Variants in TAF1B observed in about 807,000 individuals in gnomAD.
TAF1B encodes TATA-box binding protein associated factor, RNA polymerase I subunit B.
Under a neutral mutation model 83.9 loss-of-function variants are expected in TAF1B, and 61 were observed. That is an observed-to-expected ratio of 0.73 (90% confidence interval 0.59 to 0.90). The LOEUF (loss-of-function observed/expected upper bound fraction) is 0.90, where lower values mean the gene tolerates loss of function less well. Ranked by LOEUF, TAF1B falls within the 40% of genes least tolerant of loss-of-function variation. The pLI is 0.00. For synonymous variants in TAF1B, 221 were observed against 224.6 expected (o/e 0.98, Z 0.14); for missense variants, 625 against 677.0 (o/e 0.92, Z 0.85).
chr2:9,875,873 G>C lies in TAF1B; in HGVS notation c.562G>C (p.Val188Leu). 6.3e-7 allele frequency: 1 copy of C among 1,588,596 alleles called. No homozygotes were observed. Among genetic ancestry groups the C allele is most frequent in the Non-Finnish European group, 8.6e-7 (1 of 1,161,084 alleles). The stretch of plus-strand genomic sequence containing the variant: ...TCCATTTATCTCCTAAGAAACGTCT[G>C]TCTGCTCTGGATCTCTGGATGGAGT... ...VSKASQSETSVCSGSLDGVEY... is the reference protein window; with the variant it reads ...VSKASQSETSLCSGSLDGVEY... Residue 188 changes from valine to leucine, a missense_variant, in exon 7 of 15, where the codon GTC becomes CTC. By Grantham distance (32) the Val-to-Leu change is conservative. Coordinates refer to ENST00000263663, the MANE Select transcript of TAF1B (RefSeq NM_005680.3).
intron 5 of TAF1B, among the ~76,000 whole-genome samples, chr2:9,863,347 A>AGGT (rs1203657265): frequency 6.6e-6 from 1 of 152,246 alleles, no homozygotes; most frequent in African/African-American, 2.4e-5. Context: ...AAAGAGACAA[A>AGGT]GGTGGCCATT....
At chr2:9,933,022 A>G (rs1666264873) in intron 14 of TAF1B, among the ~76,000 whole-genome samples, 1 of 152,152 alleles carries the variant, frequency 6.6e-6, no homozygotes, top group Admixed American at 6.5e-5. Flanking sequence ...TGCTAAGACC[A>G]TTGGAAAAGC....
intron 6 of TAF1B, among the ~76,000 whole-genome samples, chr2:9,870,899 C>T (rs1476685993): frequency 6.6e-6 from 1 of 152,134 alleles, no homozygotes; most frequent in Non-Finnish European, 1.5e-5. Context: ...CTGTTTATTA[C>T]TAATCCATAA....
At chr2:9,898,699 G>C (rs1239387829) in intron 8 of TAF1B, among the ~76,000 whole-genome samples, 1 of 151,976 alleles carries the variant, frequency 6.6e-6, no homozygotes, top group Non-Finnish European at 1.5e-5. Context: ...CACATATCTT[G>C]GTGTTACATT....
chr2:9,898,289 TAAG>T (rs1665078268), intron 8 of TAF1B, among the ~76,000 whole-genome samples: 1 of 152,174 alleles, frequency 6.6e-6, no homozygotes, highest in Non-Finnish European at 1.5e-5. Flanking sequence ...GTGTGGGCTC[TAAG>T]AAGATGTTTT....
chr2:9,896,822 A>G (rs364985), intron 8 of TAF1B, among the ~76,000 whole-genome samples: 151,836 of 152,142 alleles, frequency 1, 75,767 homozygotes, highest in Middle Eastern at 1. Context: ...TAAGCAGGCC[A>G]TGAGAGTCTG....
At chr2:9,911,429 C>T in intron 10 of TAF1B, 82 bp from the exon 11 acceptor site, 1 of 1,135,406 alleles carries the variant, frequency 8.8e-7, no homozygotes, top group Non-Finnish European at 1.2e-6. Flanking sequence ...CTGTTCTACA[C>T]TTTTCTCTCA....
At chr2:9,911,060 A>G (rs1442622449) in intron 10 of TAF1B, 147 bp downstream of exon 10, 4 of 650,896 alleles carry the variant, frequency 6.1e-6, no homozygotes, top group Non-Finnish European at 9.9e-6. Flanking sequence ...TGTTATCTCA[A>G]AAAATGGAGA....
intron 13 of TAF1B, 58 bp from the exon 14 acceptor site, chr2:9,919,540 C>A: frequency 2.1e-6 from 3 of 1,463,236 alleles, no homozygotes; most frequent in Non-Finnish European, 2.9e-6. Flanking sequence ...AAATTCCAGG[C>A]TTTATTTGTG....
At position 9,893,301 on chromosome 2, in the gene TAF1B, T is replaced by C. The variant is rs570009422; in HGVS notation, c.807+10496T>C. On this transcript the variant is annotated intron_variant, in intron 8 of 14. Transcript: ENST00000263663. ...TTTCTGCGTCATTGATTATAAGTTA[T>C]ATCCATCCTGACCCATTACTCCTGA... Among the ~76,000 whole-genome samples, 172 of 152,296 alleles carry C rather than the reference T, an allele frequency of 1.1e-3. 2 individuals carry two copies. The highest frequency in any genetic ancestry group is 3.9e-3 in the African/African-American group (162 of 41,554).
In TAF1B at chr2:9,905,041, A is replaced by T. The variant is rs1458553944; in HGVS notation, c.955+35A>T. 4 of 1,564,590 alleles carry T rather than the reference A, an allele frequency of 2.6e-6. No individual in the cohort carries two copies. In the East Asian group the frequency reaches 9.0e-5, roughly 35 times the overall value. On this transcript the variant is annotated intron_variant, in intron 9 of 14. Coordinates refer to ENST00000263663, the MANE Select transcript of TAF1B (RefSeq NM_005680.3). ...TGACATATATTGTGGGGACACTTTA[A>T]CTAGTAGAGTAATAATAAGCAGAGT...
chr2:9,898,433 T>TA (rs1306113223), intron 8 of TAF1B, among the ~76,000 whole-genome samples: 1 of 152,236 alleles, frequency 6.6e-6, no homozygotes, highest in Non-Finnish European at 1.5e-5. Flanking sequence ...AATTAGCAGA[T>TA]AACCAAAGGG....
chr2:9,913,375 G>A (rs1466877557), intron 12 of TAF1B, 126 bp downstream of exon 12: 3 of 651,612 alleles, frequency 4.6e-6, no homozygotes, highest in African/African-American at 1.8e-5. Flanking sequence ...GGAAATATTA[G>A]CCCTACACTC....
intron 7 of TAF1B, among the ~76,000 whole-genome samples, chr2:9,882,109 C>CTT (rs756368455): frequency 4.2e-5 from 6 of 144,428 alleles, no homozygotes; most frequent in Admixed American, 7.0e-5. Flanking sequence ...TTCTTGAACA[C>CTT]TTTTTTTTTT....
intron 12 of TAF1B, among the ~76,000 whole-genome samples, chr2:9,915,539 A>G (rs1665656617): frequency 6.6e-6 from 1 of 152,232 alleles, no homozygotes; most frequent in South Asian, 2.1e-4. Context: ...AAGATGTTTA[A>G]CATCATTAAT....
intron 8 of TAF1B, among the ~76,000 whole-genome samples, chr2:9,887,216 C>T (rs1399963981): frequency 6.6e-6 from 1 of 152,128 alleles, no homozygotes; most frequent in African/African-American, 2.4e-5. Context: ...TGTTTCCTTC[C>T]TCTTTTAAGT....
chr2:9,886,515 C>T (rs1158740024), intron 8 of TAF1B, among the ~76,000 whole-genome samples: 1 of 152,122 alleles, frequency 6.6e-6, no homozygotes, highest in East Asian at 1.9e-4. Flanking sequence ...TGGTATCTAA[C>T]CAGTAATTTC....
intron 8 of TAF1B, among the ~76,000 whole-genome samples, chr2:9,892,780 G>A (rs1282207333): frequency 6.6e-6 from 1 of 152,098 alleles, no homozygotes; most frequent in Non-Finnish European, 1.5e-5. Flanking sequence ...ATATTATCCA[G>A]CAGTAGGATT....
At chr2:9,865,313 C>T (rs992475599) in intron 5 of TAF1B, among the ~76,000 whole-genome samples, 1 of 152,052 alleles carries the variant, frequency 6.6e-6, no homozygotes. Context: ...AACAGAGAGC[C>T]AAATCATGAG....
Sources: gnomAD v4.1 joint callset for allele counts (sites outside exome capture counted in the v4.1 genomes callset) on GRCh38, gnomAD v4.1.1 for gene constraint, MANE v1.5 for transcripts, NCBI Gene and HGNC (gene_info 2026-07-23, HGNC 2026-07-21) for gene names.